Variants in VEGFC observed in about 807,000 individuals in gnomAD.
VEGFC encodes FLT4 ligand DHM.
Under a neutral mutation model 46.1 loss-of-function variants are expected in VEGFC, and 12 were observed. The observed-to-expected ratio is 0.26, with a 90% CI of 0.17 to 0.42. The LOEUF (loss-of-function observed/expected upper bound fraction) is 0.42, where lower values mean the gene tolerates loss of function less well. Among genes scored for constraint, VEGFC ranks in the 10% least tolerant of loss-of-function variants. The pLI is 1.00. For synonymous variants in VEGFC, 232 were observed against 195.5 expected, an observed-to-expected ratio of 1.19 and a Z score of -1.56; for missense variants, 488 against 529.4, an observed-to-expected ratio of 0.92 and a Z score of 0.77.
rs1216930197 is a variant in VEGFC, at chr4:176,791,598, A to C, written c.147+567T>G. On this transcript the variant is annotated intron_variant, in intron 1 of 6. Coordinates refer to ENST00000618562, the MANE Select transcript of VEGFC (RefSeq NM_005429.5). ...CTTGATTGTGATCTAACTGACTCTA[A>C]TCTCCCGTTACATCTCAAGTCTGAC... Among the ~76,000 whole-genome samples, 8 of 150,562 alleles carry C rather than the reference A, an allele frequency of 5.3e-5. No homozygotes were observed. The South Asian group carries it at 1.7e-3, about 31-fold the overall frequency.
chr4:176,692,288 G>T (rs1734205462), intron 4 of VEGFC, among the ~76,000 whole-genome samples: 1 of 135,204 alleles, frequency 7.4e-6, no homozygotes, highest in Admixed American at 7.1e-5. Context: ...CAGCTACTTG[G>T]GAGGCTGAGG....
intron 4 of VEGFC, among the ~76,000 whole-genome samples, chr4:176,701,550 A>G (rs1271567974): frequency 2.0e-5 from 3 of 152,198 alleles, no homozygotes; most frequent in African/African-American, 7.2e-5. Flanking sequence ...GTCCAAAGGC[A>G]GGCAAACTAT....
chr4:176,778,174 T>A (rs1323850617), intron 1 of VEGFC, among the ~76,000 whole-genome samples: 1 of 152,058 alleles, frequency 6.6e-6, no homozygotes, highest in East Asian at 1.9e-4. Flanking sequence ...GAGTAAAGCA[T>A]AAATAGGAAA....
At chr4:176,742,416 G>A (rs1735191581) in intron 1 of VEGFC, among the ~76,000 whole-genome samples, 1 of 151,924 alleles carries the variant, frequency 6.6e-6, no homozygotes, top group Non-Finnish European at 1.5e-5. Flanking sequence ...CTGTTTGACA[G>A]GATGTTTCTT....
intron 4 of VEGFC, among the ~76,000 whole-genome samples, chr4:176,709,086 T>C (rs1335279625): frequency 6.6e-6 from 1 of 152,112 alleles, no homozygotes; most frequent in Non-Finnish European, 1.5e-5. Context: ...AAACAGTGTA[T>C]AGGATAGTAG....
At chr4:176,740,657 G>A (rs689142) in intron 1 of VEGFC, among the ~76,000 whole-genome samples, 12,937 of 150,178 alleles carry the variant, frequency 0.086, 1,121 homozygotes, top group African/African-American at 0.22. Context: ...TTCTAGATGT[G>A]GCTCCAAATA....
At chr4:176,772,920 A>G (rs1224407754) in intron 1 of VEGFC, among the ~76,000 whole-genome samples, 1 of 152,232 alleles carries the variant, frequency 6.6e-6, no homozygotes, top group East Asian at 1.9e-4. Context: ...TGTGATTTAC[A>G]GCAACATAAA....
At chr4:176,732,730 C>CT (rs940998658) in intron 1 of VEGFC, among the ~76,000 whole-genome samples, 2 of 150,792 alleles carry the variant, frequency 1.3e-5, no homozygotes, top group Non-Finnish European at 1.5e-5. Flanking sequence ...CTTCAGAGAG[C>CT]TTTTTTTTCA....
chr4:176,751,557 C>T (rs1400133870), intron 1 of VEGFC, among the ~76,000 whole-genome samples: 2 of 151,916 alleles, frequency 1.3e-5, no homozygotes, highest in Non-Finnish European at 2.9e-5. Flanking sequence ...CAGAGAATTG[C>T]TAACCCATGG....
At chr4:176,708,457 C>T (rs1159104974) in intron 4 of VEGFC, among the ~76,000 whole-genome samples, 1 of 151,788 alleles carries the variant, frequency 6.6e-6, no homozygotes, top group Non-Finnish European at 1.5e-5. Context: ...AGTATAAAGA[C>T]AGAGTATATT....
chr4:176,716,308 G>T (rs1156999768), intron 3 of VEGFC, among the ~76,000 whole-genome samples: 1 of 152,170 alleles, frequency 6.6e-6, no homozygotes, highest in East Asian at 1.9e-4. Flanking sequence ...GGGGCATGGT[G>T]ACTCACGCCT....
intron 1 of VEGFC, among the ~76,000 whole-genome samples, chr4:176,788,583 T>C (rs1054100409): frequency 2.0e-5 from 3 of 152,134 alleles, no homozygotes. Context: ...TACAGTAGAG[T>C]ACCTGTTGTT....
At chr4:176,703,064 A>G (rs890559148) in intron 4 of VEGFC, among the ~76,000 whole-genome samples, 12 of 152,090 alleles carry the variant, frequency 7.9e-5, no homozygotes, top group Non-Finnish European at 1.6e-4. Context: ...GAATAATACA[A>G]TTTTTGAGTG....
intron 1 of VEGFC, among the ~76,000 whole-genome samples, chr4:176,755,353 G>A (rs1378377481): frequency 6.6e-6 from 1 of 152,016 alleles, no homozygotes; most frequent in Non-Finnish European, 1.5e-5. Flanking sequence ...CTAAGCCAAA[G>A]TTTAACAAGA....
chr4:176,760,822 G>A (rs766023957), intron 1 of VEGFC, among the ~76,000 whole-genome samples: 22 of 152,028 alleles, frequency 1.4e-4, no homozygotes, highest in Admixed American at 3.3e-4. Flanking sequence ...TTAAAGAACC[G>A]AAGAAATGCG....
At chr4:176,738,962 G>T (rs903990503) in intron 1 of VEGFC, among the ~76,000 whole-genome samples, 1 of 151,454 alleles carries the variant, frequency 6.6e-6, no homozygotes, top group Non-Finnish European at 1.5e-5. Context: ...ATTCCTTTGG[G>T]TATATACCCA....
intron 3 of VEGFC, among the ~76,000 whole-genome samples, chr4:176,712,462 TTAAG>T (rs1017268540): frequency 2.0e-5 from 3 of 152,182 alleles, no homozygotes; most frequent in African/African-American, 7.2e-5. Flanking sequence ...ACATCATTGA[TTAAG>T]TAAAACTAAG....
chr4:176,692,230 T>TA, intron 4 of VEGFC, among the ~76,000 whole-genome samples: 1 of 145,460 alleles, frequency 6.9e-6, no homozygotes, highest in Non-Finnish European at 1.5e-5. Context: ...CCGTCTCTAC[T>TA]AAAAATACAA....
intron 4 of VEGFC, among the ~76,000 whole-genome samples, chr4:176,697,264 C>G (rs1430528642): frequency 6.7e-6 from 1 of 148,202 alleles, no homozygotes; most frequent in Non-Finnish European, 1.5e-5. Flanking sequence ...CCAGAATCTA[C>G]AATGAACTCA....
Sources: allele counts gnomAD v4.1 joint callset (sites outside exome capture counted in the v4.1 genomes callset), GRCh38; gene constraint gnomAD v4.1.1; transcripts MANE v1.5; gene names NCBI Gene and HGNC (gene_info 2026-07-23, HGNC 2026-07-21).